CFTR: variants seen among roughly 807,000 people sequenced by gnomAD.
CFTR encodes CF transmembrane conductance regulator.
Under a neutral mutation model 171.6 loss-of-function variants are expected in CFTR, and 181 were observed. The ratio of observed to expected loss-of-function variants is 1.05; its 90% CI spans 0.93 to 1.19. The LOEUF is 1.19. CFTR is among the 50% of genes most tolerant of loss of function. CFTR has a pLI of 0.00. For missense variants in CFTR, 1,968 were observed against 1,734.7 expected (o/e 1.13, Z -2.39); for synonymous variants, 583 against 608.0 (o/e 0.96, Z 0.60).
intron 20 of CFTR, among the ~76,000 whole-genome samples, chr7:117,612,702 A>G (rs117004361): frequency 3.6e-3 from 552 of 152,244 alleles, no homozygotes; most frequent in Non-Finnish European, 6.5e-3. Flanking sequence ...GAAAGGCCTC[A>G]TGGAACACCG....
intron 3 of CFTR, among the ~76,000 whole-genome samples, chr7:117,529,560 C>T (rs1798821739): frequency 6.7e-6 from 1 of 150,350 alleles, no homozygotes; most frequent in Non-Finnish European, 1.5e-5. Context: ...CATTCAGAGC[C>T]TTGGTTGACA....
intron 10 of CFTR, among the ~76,000 whole-genome samples, chr7:117,550,672 AT>A (rs1468643664): frequency 4.1e-4 from 63 of 152,332 alleles, no homozygotes; most frequent in African/African-American, 1.5e-3. Flanking sequence ...GATCAATTCT[AT>A]GATAGATGTG....
chr7:117,556,810 C>T lies in CFTR; in HGVS notation c.1393-2654C>T, dbSNP rs531982910. Among the ~76,000 whole-genome samples, 12 of 151,864 alleles carry T rather than the reference C, an allele frequency of 7.9e-5. No homozygotes were observed. In the East Asian group the frequency reaches 1.7e-3, roughly 22 times the overall value. The stretch of plus-strand genomic sequence containing the variant: ...CTGGGATTACAGGCGTGAGCCACCG[C>T]GCCCGGCCTGTTTCATTTCTTATAT... On this transcript the variant is annotated intron_variant, in intron 10 of 26. Transcript: ENST00000003084.
In CFTR at chr7:117,579,564, T is replaced by C. The variant is rs576108951; in HGVS notation, c.1585-8175T>C. Among the ~76,000 whole-genome samples the C allele has an allele frequency of 1.0e-3, 151 of 151,688 alleles. 1 individual carries two copies. Among genetic ancestry groups the C allele is most frequent in the African/African-American group, 3.6e-3 (150 of 41,484 alleles). ...TCCATTAGCTATTCTTCTTATTATT[T>C]ATGTTATTAGTATTGTTAATATTTG... is the stretch of plus-strand genomic sequence containing the variant. On this transcript the variant is annotated intron_variant, in intron 11 of 26. Coordinates refer to ENST00000003084, the MANE Select transcript of CFTR (RefSeq NM_000492.4).
At chr7:117,575,878 A>G (rs1791762690) in intron 11 of CFTR, among the ~76,000 whole-genome samples, 1 of 152,106 alleles carries the variant, frequency 6.6e-6, no homozygotes, top group African/African-American at 2.4e-5. Context: ...TTGCATTACC[A>G]TTCTCTAGAG....
chr7:117,570,587 T>G (rs1337031352), intron 11 of CFTR, among the ~76,000 whole-genome samples: 1 of 152,234 alleles, frequency 6.6e-6, no homozygotes, highest in Non-Finnish European at 1.5e-5. Context: ...GAGACTTGTT[T>G]AAGATCACAT....
At chr7:117,539,694 ATACTTAAT>A (rs1293716885) in intron 7 of CFTR, among the ~76,000 whole-genome samples, 11 of 151,980 alleles carry the variant, frequency 7.2e-5, no homozygotes, top group Non-Finnish European at 1.5e-4. Flanking sequence ...TCTCATTTCC[ATACTTAAT>A]TACTTAAAAC....
chr7:117,530,221 T>C (rs548221046), intron 3 of CFTR, among the ~76,000 whole-genome samples: 3 of 152,258 alleles, frequency 2.0e-5, no homozygotes, highest in African/African-American at 7.2e-5. Context: ...GCAAAACTCC[T>C]TCCCCAAAGT....
chr7:117,608,498 C>T (rs2116074947), intron 18 of CFTR, among the ~76,000 whole-genome samples: 1 of 152,222 alleles, frequency 6.6e-6, no homozygotes, highest in African/African-American at 2.4e-5. Flanking sequence ...TAGGTGTGAG[C>T]CACTGCACCA....
intron 22 of CFTR, among the ~76,000 whole-genome samples, chr7:117,632,345 C>T (rs1792759704): frequency 6.6e-6 from 1 of 152,018 alleles, no homozygotes; most frequent in African/African-American, 2.4e-5. Context: ...GGGAGGATCA[C>T]TTGAGCCCTG....
At chr7:117,504,116 T>C (rs761682017) in intron 1 of CFTR, 137 bp from the exon 2 acceptor site, 1 of 696,504 alleles carries the variant, frequency 1.4e-6, no homozygotes, top group Non-Finnish European at 2.7e-6. Context: ...CTGGTATTTA[T>C]AGAAATTGAC....
At chr7:117,509,259 T>C in intron 3 of CFTR, 117 bp downstream of exon 3, 2 of 718,582 alleles carry the variant, frequency 2.8e-6, no homozygotes, top group Non-Finnish European at 4.9e-6. Flanking sequence ...TGAATCCAAC[T>C]CCAAACACTA....
intron 11 of CFTR, among the ~76,000 whole-genome samples, chr7:117,560,165 A>G (rs1177829604): frequency 6.6e-6 from 1 of 152,126 alleles, no homozygotes; most frequent in East Asian, 1.9e-4. Flanking sequence ...TTGAACAAAT[A>G]CCATATAACT....
chr7:117,565,000 C>G (rs891914578), intron 11 of CFTR, among the ~76,000 whole-genome samples: 54 of 152,288 alleles, frequency 3.5e-4, no homozygotes, highest in South Asian at 2.1e-4. Context: ...ACCTTCAGTC[C>G]TCCTCTTTCA....
intron 2 of CFTR, among the ~76,000 whole-genome samples, chr7:117,508,750 C>G (rs1308505602): frequency 6.6e-6 from 1 of 152,224 alleles, no homozygotes; most frequent in Admixed American, 6.5e-5. Flanking sequence ...TTTGTCCACC[C>G]TTTTCATTGT....
In CFTR at chr7:117,568,250, G is replaced by A. The variant is rs557776558; in HGVS notation, c.1584+8595G>A. Among the ~76,000 whole-genome samples the A allele has an allele frequency of 8.6e-4, 131 of 152,306 alleles. 2 individuals carry two copies. The South Asian group carries it at 0.025, about 29-fold the overall frequency. On this transcript the variant is annotated intron_variant, in intron 11 of 26. Coordinates refer to ENST00000003084, the MANE Select transcript of CFTR (RefSeq NM_000492.4). Reference sequence around the variant, plus strand: ...TATATCCAGACCTTTATATGCTCCAGTAAGAAGACTGAACTTTACACTGGG... The same window carrying A: ...TATATCCAGACCTTTATATGCTCCAATAAGAAGACTGAACTTTACACTGGG...
intron 24 of CFTR, among the ~76,000 whole-genome samples, chr7:117,662,341 C>T (rs1399679785): frequency 6.6e-6 from 1 of 152,130 alleles, no homozygotes; most frequent in African/African-American, 2.4e-5. Flanking sequence ...CTGAAGAGCA[C>T]GTTTTTACCC....
intron 21 of CFTR, chr7:117,616,298 G>A (rs1452191248): frequency 6.6e-6 from 1 of 151,400 alleles, no homozygotes; most frequent in Non-Finnish European, 1.5e-5. Flanking sequence ...TTCCATTCCA[G>A]TATGCTTTTG....
chr7:117,496,405 T>A (rs2116625023), intron 1 of CFTR, among the ~76,000 whole-genome samples: 1 of 152,252 alleles, frequency 6.6e-6, no homozygotes, highest in Non-Finnish European at 1.5e-5. Flanking sequence ...GGTCTTGTTA[T>A]GTTGTCTAGG....
Sources: allele counts gnomAD v4.1 joint callset (sites outside exome capture counted in the v4.1 genomes callset), GRCh38; gene constraint gnomAD v4.1.1; transcripts MANE v1.5; gene names NCBI Gene and HGNC (gene_info 2026-07-23, HGNC 2026-07-21).